Variants in DOCK4 observed in about 807,000 individuals in gnomAD.
The protein encoded by DOCK4 is dedicator of cytokinesis protein 4.
DOCK4 carries 97 observed loss-of-function variants against 268.1 expected under a neutral mutation model. The observed-to-expected ratio is 0.36, with a 90% confidence interval of 0.31 to 0.43. The LOEUF is 0.43. Ranked by LOEUF, DOCK4 falls within the 20% of genes least tolerant of loss-of-function variation. DOCK4 has a pLI of 1.00. For missense variants in DOCK4, 2,145 were observed against 2,455.7 expected (o/e 0.87, Z 2.67); for synonymous variants, 954 against 887.2 (o/e 1.08, Z -1.34).
chr7:111,819,492 G>A (rs1801817160), intron 27 of DOCK4: 1 of 152,158 alleles, frequency 6.6e-6, no homozygotes, highest in Non-Finnish European at 1.5e-5. Flanking sequence ...AGAATTATAA[G>A]TGGGCACACT....
intron 21 of DOCK4, 98 bp from the exon 22 acceptor site, chr7:111,868,252 T>C: frequency 1.0e-6 from 1 of 962,506 alleles, no homozygotes; most frequent in South Asian, 2.0e-5. Flanking sequence ...CATTAAACTT[T>C]TACATTATTC....
rs149727454 is a variant in DOCK4 at position 111,810,917 on chromosome 7, G to A, written c.3006+957C>T. The stretch of plus-strand genomic sequence containing the variant: ...TTCTAGAGGCTGAGGCAAGAGAATC[G>A]CTTGAACCTGGGAGGCGGAGGTGGC... On this transcript the variant is annotated intron_variant, in intron 28 of 52. Transcript: ENST00000428084. Among the ~76,000 whole-genome samples, 615 of 152,192 alleles carry A rather than the reference G, an allele frequency of 4.0e-3. 3 individuals carry two copies. Among genetic ancestry groups the A allele is most frequent in the Non-Finnish European group, 6.2e-3 (422 of 68,008 alleles).
intron 13 of DOCK4, among the ~76,000 whole-genome samples, chr7:111,905,862 G>C (rs1347602111): frequency 6.6e-6 from 1 of 152,162 alleles, no homozygotes; most frequent in Non-Finnish European, 1.5e-5. Flanking sequence ...TGTTGTTAAT[G>C]ATGATGGCAG....
chr7:111,930,534 G>A (rs1222268849), intron 12 of DOCK4, among the ~76,000 whole-genome samples: 1 of 152,138 alleles, frequency 6.6e-6, no homozygotes, highest in Non-Finnish European at 1.5e-5. Flanking sequence ...AGAAAGTGGG[G>A]AAAAACAGTA....
At position 111,844,077 on chromosome 7, in the gene DOCK4, T is replaced by A. The variant is rs187580962; in HGVS notation, c.2736+686A>T. 2.3e-3 allele frequency among the ~76,000 whole-genome samples: 348 copies of A among 152,186 alleles called. 3 individuals carry two copies. Among genetic ancestry groups the A allele is most frequent in the South Asian group, 4.8e-3 (23 of 4,808 alleles). ...ATCATCTGAGGTCAGGAGCTCGAGATCAGCCTGACCAACATGGTGAAACTC... is the reference window on the plus strand; with the variant it reads ...ATCATCTGAGGTCAGGAGCTCGAGAACAGCCTGACCAACATGGTGAAACTC... On this transcript the variant is annotated intron_variant, in intron 25 of 52. Coordinates refer to ENST00000428084, the MANE Select transcript of DOCK4 (RefSeq NM_001363540.2).
intron 35 of DOCK4, among the ~76,000 whole-genome samples, chr7:111,781,369 G>A (rs1362824790): frequency 6.6e-6 from 1 of 152,224 alleles, no homozygotes; most frequent in Non-Finnish European, 1.5e-5. Flanking sequence ...TCTTCACTGT[G>A]ATGAGAGGCT....
At chr7:111,757,501 A>G (rs1797111166) in intron 41 of DOCK4, among the ~76,000 whole-genome samples, 1 of 152,238 alleles carries the variant, frequency 6.6e-6, no homozygotes. Flanking sequence ...GGAAGGCACA[A>G]AGAATAAGTT....
At chr7:111,822,330 A>C (rs1348904426) in intron 27 of DOCK4, 32 bp downstream of exon 27, 2 of 1,560,246 alleles carry the variant, frequency 1.3e-6, no homozygotes, top group African/African-American at 2.7e-5. Context: ...CTATACATTG[A>C]GCTGCAATTA....
At chr7:112,203,512 C>G (rs1216278481) in intron 1 of DOCK4, among the ~76,000 whole-genome samples, 4 of 152,050 alleles carry the variant, frequency 2.6e-5, no homozygotes, top group African/African-American at 9.7e-5. Context: ...GCATAATTAT[C>G]TCATACATAA....
At chr7:111,738,755 T>A (rs970656090) in intron 49 of DOCK4, among the ~76,000 whole-genome samples, 12 of 152,164 alleles carry the variant, frequency 7.9e-5, no homozygotes, top group African/African-American at 2.7e-4. Flanking sequence ...CTGGCCAACA[T>A]GGCAAAACCC....
At chr7:112,190,441 T>C (rs1819848784) in intron 1 of DOCK4, among the ~76,000 whole-genome samples, 1 of 152,134 alleles carries the variant, frequency 6.6e-6, no homozygotes, top group Non-Finnish European at 1.5e-5. Flanking sequence ...AGTTAGGTTT[T>C]CCAGGTAAAG....
At chr7:112,048,014 A>T (rs1165162449) in intron 1 of DOCK4, among the ~76,000 whole-genome samples, 1 of 152,168 alleles carries the variant, frequency 6.6e-6, no homozygotes, top group Non-Finnish European at 1.5e-5. Context: ...TAAACACAAC[A>T]TCAGTGATCT....
At chr7:112,018,365 C>CA (rs745914046) in intron 1 of DOCK4, among the ~76,000 whole-genome samples, 33 of 151,986 alleles carry the variant, frequency 2.2e-4, no homozygotes, top group South Asian at 1.7e-3. Flanking sequence ...CAAGTTAAGG[C>CA]AAAATTCATG....
chr7:111,991,899 T>C (rs1799562832), intron 5 of DOCK4, among the ~76,000 whole-genome samples: 1 of 139,500 alleles, frequency 7.2e-6, no homozygotes, highest in African/African-American at 2.7e-5. Flanking sequence ...AGGCGGAGCT[T>C]GCAGTGAGCC....
chr7:111,867,199 C>T (rs1289502415), intron 22 of DOCK4, among the ~76,000 whole-genome samples: 1 of 152,146 alleles, frequency 6.6e-6, no homozygotes, highest in Non-Finnish European at 1.5e-5. Context: ...AGTACCAAAT[C>T]ATAACAATAC....
At chr7:111,863,884 G>C (rs1369748395) in intron 22 of DOCK4, among the ~76,000 whole-genome samples, 1 of 152,128 alleles carries the variant, frequency 6.6e-6, no homozygotes, top group Admixed American at 6.5e-5. Flanking sequence ...GCTCAACCAA[G>C]ACCTGGATTG....
At chr7:112,042,100 C>T (rs569180938) in intron 1 of DOCK4, among the ~76,000 whole-genome samples, 45 of 151,980 alleles carry the variant, frequency 3.0e-4, no homozygotes, top group Non-Finnish European at 4.6e-4. Flanking sequence ...ACAGCCACTG[C>T]GCTCCAGCCT....
chr7:111,860,018 T>C (rs1312247296), intron 23 of DOCK4, among the ~76,000 whole-genome samples: 8 of 152,168 alleles, frequency 5.3e-5, no homozygotes, highest in African/African-American at 1.7e-4. Flanking sequence ...TCAGACAGAA[T>C]CAGCCTATTT....
At chr7:111,752,129 A>G (rs1268427678) in intron 42 of DOCK4, among the ~76,000 whole-genome samples, 1 of 152,238 alleles carries the variant, frequency 6.6e-6, no homozygotes, top group Non-Finnish European at 1.5e-5. Flanking sequence ...GTGATATGAC[A>G]TCTGAGATTT....
Sources: gnomAD v4.1 joint callset for allele counts (sites outside exome capture counted in the v4.1 genomes callset) on GRCh38, gnomAD v4.1.1 for gene constraint, MANE v1.5 for transcripts, NCBI Gene and HGNC (gene_info 2026-07-23, HGNC 2026-07-21) for gene names.